NPSR1: variants seen among roughly 807,000 people sequenced by gnomAD.
NPSR1 encodes the protein neuropeptide S receptor.
A neutral mutation model predicts 46.9 loss-of-function variants in NPSR1; 48 were observed. The ratio of observed to expected loss-of-function variants is 1.02; its 90% CI spans 0.81 to 1.30. The LOEUF (loss-of-function observed/expected upper bound fraction) is 1.30, where lower values mean the gene tolerates loss of function less well. Among genes scored for constraint, NPSR1 ranks in the 50% most tolerant of loss-of-function variants. NPSR1 has a pLI of 0.00. For synonymous variants in NPSR1, 176 were observed against 168.1 expected, an observed-to-expected ratio of 1.05 and a Z score of -0.36; for missense variants, 450 against 449.5, an observed-to-expected ratio of 1.00 and a Z score of -0.01.
intron 2 of NPSR1, among the ~76,000 whole-genome samples, chr7:34,726,545 C>T (rs1054356294): frequency 3.3e-5 from 5 of 152,138 alleles, no homozygotes; most frequent in African/African-American, 9.7e-5. Context: ...CATGCCCACA[C>T]AAGAATCTGC....
At chr7:34,663,616 A>T (rs916958223) in intron 1 of NPSR1, among the ~76,000 whole-genome samples, 6 of 152,104 alleles carry the variant, frequency 3.9e-5, no homozygotes, top group African/African-American at 1.4e-4. Context: ...GAGGGGGGCA[A>T]TCCAATACCC....
Position 34,677,138 on chromosome 7 carries a change from A to C in NPSR1, c.148-7414A>C, listed in dbSNP as rs143789019. ...TGTCACTCTGAACTTCCAACAATGC[A>C]GATCTGAGCCCCGGGACTACTTTGA... On this transcript the variant is annotated intron_variant, in intron 1 of 8. Coordinates refer to ENST00000360581, the MANE Select transcript of NPSR1 (RefSeq NM_207172.2). Among the ~76,000 whole-genome samples, 1,271 of 152,324 alleles carry C rather than the reference A, an allele frequency of 8.3e-3. 3 individuals are homozygous for C. Among genetic ancestry groups the C allele is most frequent in the South Asian group, 0.012 (60 of 4,824 alleles).
chr7:34,746,457 T>C (rs1785206888), intron 2 of NPSR1, among the ~76,000 whole-genome samples: 1 of 152,206 alleles, frequency 6.6e-6, no homozygotes, highest in African/African-American at 2.4e-5. Context: ...TTATCATAGT[T>C]ATGTATGTAT....
At position 34,792,643 on chromosome 7, in the gene NPSR1, A is replaced by ATATATATATGTATATATATATT. The variant is rs1486460890; in HGVS notation, c.384+14100_384+14121dup. On this transcript the variant is annotated intron_variant, in intron 3 of 8. Transcript: ENST00000360581. ...TATATGTGTGTGTGTGTGTATGTGT[A>ATATATATATGTATATATATATT]TATATATATGTATATATATATTTAT... is the stretch of plus-strand genomic sequence containing the variant. Among the ~76,000 whole-genome samples the ATATATATATGTATATATATATT allele has an allele frequency of 2.4e-4, 22 of 91,528 alleles. 2 individuals are homozygous for ATATATATATGTATATATATATT. The highest frequency in any genetic ancestry group is 5.9e-4 in the South Asian group (2 of 3,398). 60.0% of individuals were successfully genotyped at this position (91,528 alleles called of 152,430 possible). A position where few individuals can be genotyped will look rare whatever the true frequency, so the allele number is the denominator to read the frequency against.
At chr7:34,700,426 T>C (rs1793765039) in intron 2 of NPSR1, among the ~76,000 whole-genome samples, 1 of 152,206 alleles carries the variant, frequency 6.6e-6, no homozygotes, top group Admixed American at 6.5e-5. Context: ...ATGCTTTCTG[T>C]AGATCATCTC....
intron 2 of NPSR1, among the ~76,000 whole-genome samples, chr7:34,742,995 TG>T (rs1027622464): frequency 2.6e-5 from 4 of 152,336 alleles, no homozygotes; most frequent in Non-Finnish European, 5.9e-5. Context: ...CACTTTTTAA[TG>T]GGGTTGTTTT....
In NPSR1 at chr7:34,824,145, G is replaced by A. The variant is rs77750486; in HGVS notation, c.479-3256G>A. ...TAATCTATGTATTATATATGCATGC[G>A]TTATCAAAATTTAAGCTTGACGTTT... is the stretch of plus-strand genomic sequence containing the variant. On this transcript the variant is annotated intron_variant, in intron 4 of 8. Transcript: ENST00000360581. Among the ~76,000 whole-genome samples, 204 of 152,234 alleles carry A rather than the reference G, an allele frequency of 1.3e-3. 5 individuals carry two copies. In the East Asian group the frequency reaches 0.032, roughly 24 times the overall value.
chr7:34,717,901 A>G lies in NPSR1; in HGVS notation c.280+33217A>G, dbSNP rs532838729. Among the ~76,000 whole-genome samples, 132 of 152,290 alleles carry G rather than the reference A, an allele frequency of 8.7e-4. 1 individual carries two copies. Among genetic ancestry groups the G allele is most frequent in the Middle Eastern group, 3.4e-3 (1 of 294 alleles). On this transcript the variant is annotated intron_variant, in intron 2 of 8. Transcript: ENST00000360581. ...AAATCGCTGCCCTTCTCTTTACTCA[A>G]AGGATCTGGAATCCCCTGAACCAGG... is the stretch of plus-strand genomic sequence containing the variant.
intron 4 of NPSR1, among the ~76,000 whole-genome samples, chr7:34,820,256 G>A (rs6977729): frequency 0.2 from 30,339 of 152,072 alleles, 4,499 homozygotes; most frequent in African/African-American, 0.42. Context: ...GTATGCATTG[G>A]ATATGTATAG....
At chr7:34,811,226 G>T (rs1554334470) in intron 3 of NPSR1, among the ~76,000 whole-genome samples, 1 of 152,158 alleles carries the variant, frequency 6.6e-6, no homozygotes, top group Non-Finnish European at 1.5e-5. Flanking sequence ...GAGTTTTATT[G>T]AGTGGTGGAG....
At chr7:34,875,553 TAGAG>T (rs1791554351) in intron 8 of NPSR1, among the ~76,000 whole-genome samples, 1 of 152,152 alleles carries the variant, frequency 6.6e-6, no homozygotes, top group African/African-American at 2.4e-5. Context: ...CAGATTGGCC[TAGAG>T]ATCCCCAAAT....
At chr7:34,676,409 T>A (rs1792318435) in intron 1 of NPSR1, among the ~76,000 whole-genome samples, 1 of 152,190 alleles carries the variant, frequency 6.6e-6, no homozygotes, top group Non-Finnish European at 1.5e-5. Flanking sequence ...GCCTATCAAC[T>A]TTTCGTCCAC....
intron 8 of NPSR1, among the ~76,000 whole-genome samples, chr7:34,868,475 G>T (rs1239313242): frequency 6.6e-6 from 1 of 151,744 alleles, no homozygotes; most frequent in Non-Finnish European, 1.5e-5. Context: ...GTCAAGGAAA[G>T]GGAATGAGAT....
chr7:34,692,296 C>G (rs1027862572), intron 2 of NPSR1, among the ~76,000 whole-genome samples: 1 of 152,054 alleles, frequency 6.6e-6, no homozygotes, highest in African/African-American at 2.4e-5. Flanking sequence ...TGACTTTATT[C>G]TTAGCCATAA....
At chr7:34,684,448 G>C in intron 1 of NPSR1, 104 bp from the exon 2 acceptor site, 1 of 1,063,400 alleles carries the variant, frequency 9.4e-7, no homozygotes, top group Non-Finnish European at 1.4e-6. Context: ...TCCAAAAGTA[G>C]GGATATGTGG....
At chr7:34,741,130 C>G (rs1784921178) in intron 2 of NPSR1, among the ~76,000 whole-genome samples, 1 of 152,106 alleles carries the variant, frequency 6.6e-6, no homozygotes, top group African/African-American at 2.4e-5. Context: ...AGTCTTTGGT[C>G]TTTCAGAAAT....
intron 7 of NPSR1, chr7:34,845,481 T>C: frequency 2.3e-6 from 1 of 433,682 alleles, no homozygotes; most frequent in Non-Finnish European, 4.6e-6. Context: ...ACTCATAAAG[T>C]CACCTTGTAC....
rs535497217 is a variant in NPSR1, at chr7:34,718,530, A to G, written c.280+33846A>G. On this transcript the variant is annotated intron_variant, in intron 2 of 8. Transcript: ENST00000360581. ...TTTTAGGTGATTGGGCTGTTCTGAT[A>G]TGATCCATTCCTAGGCTTCTAAACA... Among the ~76,000 whole-genome samples, 8 of 152,348 alleles carry G rather than the reference A, an allele frequency of 5.3e-5. No individual in the cohort carries two copies. The East Asian group carries it at 1.3e-3, about 26-fold the overall frequency.
chr7:34,834,388 A>T lies in NPSR1; in HGVS notation c.685A>T (p.Met229Leu), dbSNP rs916706976. ...TACCTTTGGTTCTTTCTGCAGCATCATGTATGGCATTGTGATCCGAACTAT... is the reference window on the plus strand; with the variant it reads ...TACCTTTGGTTCTTTCTGCAGCATCTTGTATGGCATTGTGATCCGAACTAT... ...YFIPLTIISI[M>L]YGIVIRTIWI... Residue 229 changes from methionine to leucine, a missense_variant, in exon 6 of 9, where the codon ATG (methionine) becomes TTG (leucine). Transcript: ENST00000360581. The T allele has an allele frequency of 1.2e-6, 2 of 1,612,870 alleles. No homozygotes were observed. Among genetic ancestry groups the T allele is most frequent in the African/African-American group, 2.7e-5 (2 of 74,890 alleles).
Sources: allele counts gnomAD v4.1 joint callset (sites outside exome capture counted in the v4.1 genomes callset), GRCh38; gene constraint gnomAD v4.1.1; transcripts MANE v1.5; gene names NCBI Gene and HGNC (gene_info 2026-07-23, HGNC 2026-07-21).